The following MGAT4C variants were observed in gnomAD, a reference collection of about 807,000 sequenced individuals.
The protein encoded by MGAT4C is alpha-1,3-mannosyl-glycoprotein 4-beta-N-acetylglucosaminyltransferase C.
MGAT4C carries 19 observed loss-of-function variants against 40.1 expected under a neutral mutation model. The observed-to-expected ratio is 0.47, with a 90% CI of 0.33 to 0.70. MGAT4C has a LOEUF of 0.70. MGAT4C is among the 30% of genes least tolerant of loss of function. MGAT4C has a pLI of 0.02. For missense variants in MGAT4C, 491 were observed against 563.2 expected, an observed-to-expected ratio of 0.87 and a Z score of 1.30; for synonymous variants, 181 against 187.1, an observed-to-expected ratio of 0.97 and a Z score of 0.27.
intron 4 of MGAT4C, among the ~76,000 whole-genome samples, chr12:86,326,862 C>T (rs1954541088): frequency 1.3e-5 from 2 of 152,054 alleles, no homozygotes; most frequent in South Asian, 4.1e-4. Context: ...TTACTTCACT[C>T]TTTAAACAAT....
chr12:86,207,118 T>A (rs1950289148), intron 1 of MGAT4C, among the ~76,000 whole-genome samples: 1 of 152,042 alleles, frequency 6.6e-6, no homozygotes, highest in African/African-American at 2.4e-5. Context: ...TTTCTTTTTT[T>A]TTTTTTAGCT....
intron 1 of MGAT4C, among the ~76,000 whole-genome samples, chr12:86,834,576 A>G (rs1474667723): frequency 6.6e-6 from 1 of 150,886 alleles, no homozygotes; most frequent in African/African-American, 2.4e-5. Context: ...CACCAAATGA[A>G]TATGATGATT....
intron 2 of MGAT4C, among the ~76,000 whole-genome samples, chr12:86,544,287 A>T (rs1430906596): frequency 6.6e-6 from 1 of 152,168 alleles, no homozygotes; most frequent in Non-Finnish European, 1.5e-5. Flanking sequence ...AAGGTGACTA[A>T]AAGTTTGATT....
chr12:86,098,444 G>A (rs1874339148), intron 1 of MGAT4C, among the ~76,000 whole-genome samples: 1 of 151,636 alleles, frequency 6.6e-6, no homozygotes, highest in Non-Finnish European at 1.5e-5. Context: ...GTGTGACTGA[G>A]TGCCAATGAG....
intron 3 of MGAT4C, among the ~76,000 whole-genome samples, chr12:86,411,337 T>C (rs1592810403): frequency 6.6e-6 from 1 of 152,174 alleles, no homozygotes; most frequent in Non-Finnish European, 1.5e-5. Context: ...AAAATGCTGA[T>C]AGTGATATGG....
chr12:86,317,035 A>C (rs1412261949), intron 4 of MGAT4C, among the ~76,000 whole-genome samples: 1 of 152,028 alleles, frequency 6.6e-6, no homozygotes, highest in Non-Finnish European at 1.5e-5. Flanking sequence ...CAAAAGAAGG[A>C]AGGAAGGAAG....
chr12:86,828,969 T>C (rs1304079546), intron 1 of MGAT4C, among the ~76,000 whole-genome samples: 1 of 151,598 alleles, frequency 6.6e-6, no homozygotes, highest in Non-Finnish European at 1.5e-5. Context: ...TGTTGACTTA[T>C]ATGCTTAAAG....
intron 3 of MGAT4C, among the ~76,000 whole-genome samples, chr12:86,346,983 T>C (rs995980672): frequency 6.6e-6 from 1 of 152,176 alleles, no homozygotes; most frequent in Non-Finnish European, 1.5e-5. Context: ...TTTTGGACCC[T>C]TGGACTTACA....
chr12:86,420,776 C>CATATAT (rs55902338), intron 3 of MGAT4C, among the ~76,000 whole-genome samples: 1,702 of 144,146 alleles, frequency 0.012, 14 homozygotes, highest in African/African-American at 0.027. Context: ...ATTTACCTGA[C>CATATAT]ATATATATAT....
chr12:86,708,106 G>A (rs949994800), intron 2 of MGAT4C, among the ~76,000 whole-genome samples: 1 of 152,186 alleles, frequency 6.6e-6, no homozygotes, highest in Non-Finnish European at 1.5e-5. Context: ...TCCATCACAG[G>A]CCCAGAGGCC....
rs1883434413 is a variant in MGAT4C, at chr12:85,967,790, C to G, written c.*11499G>C. 1 of 151,888 alleles carries G rather than the reference C, an allele frequency of 6.6e-6. No homozygotes were observed. The highest frequency in any genetic ancestry group is 1.5e-5 in the Non-Finnish European group (1 of 67,904). 9.4% of individuals were successfully genotyped at this position (151,888 alleles called of 1,614,324 possible). A position where few individuals can be genotyped will look rare whatever the true frequency, so the allele number is the denominator to read the frequency against. On this transcript the variant is annotated 3_prime_UTR_variant, in exon 5 of 5. Coordinates refer to ENST00000611864, the MANE Select transcript of MGAT4C (RefSeq NM_001351288.2). ...TGAGTTGGAATTGATATAGGGGAAT[C>G]CTTGGAACTATGTGTGAATATGTGT...
At chr12:86,183,692 C>T (rs1378156808) in intron 1 of MGAT4C, among the ~76,000 whole-genome samples, 1 of 152,096 alleles carries the variant, frequency 6.6e-6, no homozygotes, top group Non-Finnish European at 1.5e-5. Context: ...AGTCTCTTTT[C>T]CTGGCTTGTA....
intron 3 of MGAT4C, among the ~76,000 whole-genome samples, chr12:86,377,577 T>C (rs1489451739): frequency 2.0e-5 from 3 of 152,212 alleles, no homozygotes; most frequent in South Asian, 2.1e-4. Flanking sequence ...AACGATGTTT[T>C]AATTTTAACA....
intron 3 of MGAT4C, among the ~76,000 whole-genome samples, chr12:86,390,925 AC>A (rs1395716289): frequency 1.3e-5 from 2 of 152,170 alleles, no homozygotes; most frequent in Non-Finnish European, 2.9e-5. Context: ...TAATTCTACA[AC>A]CCGTATCCTA....
intron 4 of MGAT4C, among the ~76,000 whole-genome samples, chr12:86,320,092 T>C (rs1566285634): frequency 6.6e-6 from 1 of 152,118 alleles, no homozygotes; most frequent in Non-Finnish European, 1.5e-5. Context: ...CAGCCCATAC[T>C]TCCTGACACT....
At chr12:86,778,720 AC>A (rs1161276684) in intron 1 of MGAT4C, among the ~76,000 whole-genome samples, 3 of 152,182 alleles carry the variant, frequency 2.0e-5, no homozygotes, top group Non-Finnish European at 2.9e-5. Flanking sequence ...TGTTTTCAAA[AC>A]TTTTCAAATT....
At chr12:86,736,595 G>C (rs1341020864) in intron 1 of MGAT4C, among the ~76,000 whole-genome samples, 1 of 151,550 alleles carries the variant, frequency 6.6e-6, no homozygotes, top group Non-Finnish European at 1.5e-5. Context: ...CAAACACCCA[G>C]GACTGACTCT....
chr12:86,641,595 G>A (rs1242712725), intron 2 of MGAT4C, among the ~76,000 whole-genome samples: 1 of 151,818 alleles, frequency 6.6e-6, no homozygotes, highest in Non-Finnish European at 1.5e-5. Context: ...AAGAATGAAT[G>A]TGGAGAGAAG....
intron 1 of MGAT4C, among the ~76,000 whole-genome samples, chr12:86,059,565 C>A (rs1893734505): frequency 6.6e-6 from 1 of 152,150 alleles, no homozygotes; most frequent in Non-Finnish European, 1.5e-5. Context: ...CCAGGCTACC[C>A]CTTTTCTCCC....
Sources: gnomAD v4.1 joint callset for allele counts (sites outside exome capture counted in the v4.1 genomes callset) on GRCh38, gnomAD v4.1.1 for gene constraint, MANE v1.5 for transcripts, NCBI Gene and HGNC (gene_info 2026-07-23, HGNC 2026-07-21) for gene names.